Variants in KCTD16 observed in about 807,000 individuals in gnomAD.
KCTD16 encodes potassium channel tetramerization domain containing 16.
A neutral mutation model predicts 33.2 loss-of-function variants in KCTD16; 13 were observed. The ratio of observed to expected loss-of-function variants is 0.39; its 90% confidence interval spans 0.25 to 0.62. The LOEUF (loss-of-function observed/expected upper bound fraction) is 0.62, where lower values mean the gene tolerates loss of function less well. Ranked by LOEUF, KCTD16 falls within the 20% of genes least tolerant of loss-of-function variation. KCTD16 has a pLI of 0.50. For synonymous variants in KCTD16, 197 were observed against 195.3 expected (o/e 1.01, Z -0.07); for missense variants, 441 against 525.1 (o/e 0.84, Z 1.57).
intron 3 of KCTD16, among the ~76,000 whole-genome samples, chr5:144,382,543 T>C (rs185001826): frequency 5.9e-4 from 90 of 152,254 alleles, no homozygotes; most frequent in African/African-American, 1.9e-3. Context: ...ATACTCAGTA[T>C]TGAATGAATG....
chr5:144,244,457 A>G (rs187168975), intron 3 of KCTD16, among the ~76,000 whole-genome samples: 2 of 152,354 alleles, frequency 1.3e-5, no homozygotes, highest in African/African-American at 4.8e-5. Flanking sequence ...AGAAAGAATA[A>G]TCACAAAACA....
chr5:144,342,006 TC>T (rs1333132440), intron 3 of KCTD16, among the ~76,000 whole-genome samples: 1 of 152,208 alleles, frequency 6.6e-6, no homozygotes, highest in Non-Finnish European at 1.5e-5. Flanking sequence ...CCTGCGAATA[TC>T]TGAAATATGG....
chr5:144,311,840 G>A (rs956761144), intron 3 of KCTD16, among the ~76,000 whole-genome samples: 6 of 151,956 alleles, frequency 3.9e-5, no homozygotes, highest in Non-Finnish European at 7.4e-5. Context: ...TTTAATCTAG[G>A]AAAAATACCT....
intron 3 of KCTD16, among the ~76,000 whole-genome samples, chr5:144,295,789 T>G (rs1756019114): frequency 6.6e-6 from 1 of 152,180 alleles, no homozygotes; most frequent in Non-Finnish European, 1.5e-5. Context: ...GAATCTTTCC[T>G]AGCTGGCATC....
intron 3 of KCTD16, among the ~76,000 whole-genome samples, chr5:144,406,763 A>C (rs1185361172): frequency 6.6e-6 from 1 of 152,222 alleles, no homozygotes; most frequent in Non-Finnish European, 1.5e-5. Flanking sequence ...GAAAAGGCTG[A>C]AGATTCAGAC....
chr5:144,288,348 A>G (rs1755804520), intron 3 of KCTD16, among the ~76,000 whole-genome samples: 1 of 152,170 alleles, frequency 6.6e-6, no homozygotes, highest in African/African-American at 2.4e-5. Flanking sequence ...AATTAACTCC[A>G]CAGGGCTCAT....
At chr5:144,372,778 C>T (rs993473125) in intron 3 of KCTD16, among the ~76,000 whole-genome samples, 1 of 152,158 alleles carries the variant, frequency 6.6e-6, no homozygotes, top group Non-Finnish European at 1.5e-5. Flanking sequence ...AAAAACAAGA[C>T]AGAAATATGG....
intron 3 of KCTD16, among the ~76,000 whole-genome samples, chr5:144,385,490 G>C (rs1752303951): frequency 6.6e-6 from 1 of 152,142 alleles, no homozygotes; most frequent in South Asian, 2.1e-4. Flanking sequence ...GGGTGGAAGG[G>C]ACCAAATATG....
chr5:144,360,851 G>A (rs1751695076), intron 3 of KCTD16, among the ~76,000 whole-genome samples: 1 of 152,014 alleles, frequency 6.6e-6, no homozygotes, highest in Non-Finnish European at 1.5e-5. Flanking sequence ...GAACATGGCT[G>A]CAATAAACAC....
rs141940088 is a variant in KCTD16, at chr5:144,257,393, G to A, written c.832+49847G>A. 3.6e-3 allele frequency among the ~76,000 whole-genome samples: 554 copies of A among 152,222 alleles called. 3 individuals carry two copies. Among genetic ancestry groups the A allele is most frequent in the African/African-American group, 0.013 (533 of 41,526 alleles). ...TTACAGCTACTGAACCACTAAGAAT[G>A]ACACATTTGTTTCAGGTTTGCAAAT... is the stretch of plus-strand genomic sequence containing the variant. On this transcript the variant is annotated intron_variant, in intron 3 of 3. Transcript: ENST00000512467.
chr5:144,401,162 A>G (rs1221333296), intron 3 of KCTD16, among the ~76,000 whole-genome samples: 1 of 152,200 alleles, frequency 6.6e-6, no homozygotes, highest in African/African-American at 2.4e-5. Context: ...GTGCTGACCT[A>G]TACATCACAT....
At chr5:144,245,750 C>T (rs903674736) in intron 3 of KCTD16, among the ~76,000 whole-genome samples, 1 of 152,080 alleles carries the variant, frequency 6.6e-6, no homozygotes, top group Admixed American at 6.5e-5. Context: ...TGTAGTACTT[C>T]CCCCTCCTCT....
chr5:144,285,670 A>G (rs1434819365), intron 3 of KCTD16, among the ~76,000 whole-genome samples: 2 of 152,360 alleles, frequency 1.3e-5, no homozygotes, highest in South Asian at 4.1e-4. Context: ...ACAAATATGG[A>G]ACTAATGAGT....
intron 3 of KCTD16, among the ~76,000 whole-genome samples, chr5:144,398,445 G>A (rs956413728): frequency 6.6e-6 from 1 of 152,190 alleles, no homozygotes; most frequent in Middle Eastern, 3.4e-3. Flanking sequence ...ATGATTATGA[G>A]CTTATGCTAA....
chr5:144,357,805 G>T (rs921112645), intron 3 of KCTD16, among the ~76,000 whole-genome samples: 1 of 152,090 alleles, frequency 6.6e-6, no homozygotes, highest in African/African-American at 2.4e-5. Flanking sequence ...TCCTAGGAAA[G>T]GTATTATTTT....
At chr5:144,278,887 A>C (rs1271799531) in intron 3 of KCTD16, among the ~76,000 whole-genome samples, 1 of 152,178 alleles carries the variant, frequency 6.6e-6, no homozygotes, top group East Asian at 1.9e-4. Context: ...TATTATACGT[A>C]TAGATCAATT....
intron 3 of KCTD16, among the ~76,000 whole-genome samples, chr5:144,333,500 A>G (rs1752407239): frequency 6.6e-6 from 1 of 151,996 alleles, no homozygotes; most frequent in Non-Finnish European, 1.5e-5. Flanking sequence ...TTGGCTAGGT[A>G]GTTATTCTGG....
At chr5:144,282,837 A>C (rs1755643301) in intron 3 of KCTD16, among the ~76,000 whole-genome samples, 1 of 152,162 alleles carries the variant, frequency 6.6e-6, no homozygotes, top group African/African-American at 2.4e-5. Flanking sequence ...TCCTTTTTCC[A>C]GTTCTCTGGT....
At chr5:144,471,520 T>C (rs919246664) in intron 3 of KCTD16, among the ~76,000 whole-genome samples, 1 of 152,226 alleles carries the variant, frequency 6.6e-6, no homozygotes, top group Non-Finnish European at 1.5e-5. Context: ...TTGATGTGAT[T>C]ACTTTTCTTC....
Sources: allele counts gnomAD v4.1 joint callset (sites outside exome capture counted in the v4.1 genomes callset), GRCh38; gene constraint gnomAD v4.1.1; transcripts MANE v1.5; gene names NCBI Gene and HGNC (gene_info 2026-07-23, HGNC 2026-07-21).